PPRC1: variants seen among roughly 807,000 people sequenced by gnomAD.
PPRC1 encodes the protein peroxisome proliferator-activated receptor gamma coactivator-related protein 1.
Under a neutral mutation model 132.5 loss-of-function variants are expected in PPRC1, and 23 were observed. The ratio of observed to expected loss-of-function variants is 0.17; its 90% CI spans 0.12 to 0.25. The LOEUF is 0.25. Among genes scored for constraint, PPRC1 ranks in the 10% least tolerant of loss-of-function variants. PPRC1 has a pLI of 1.00. For missense variants in PPRC1, 2,006 were observed against 2,089.1 expected (o/e 0.96, Z 0.78); for synonymous variants, 872 against 833.5 (o/e 1.05, Z -0.80).
the PPRC1 span, among the ~76,000 whole-genome samples, chr10:102,126,134 T>A: frequency 6.6e-6 from 1 of 152,152 alleles, no homozygotes; most frequent in Non-Finnish European, 1.5e-5. Flanking sequence ...AGTGCTGGGA[T>A]TACAGGCATG....
Position 102,141,005 on chromosome 10 carries a change from C to G in PPRC1, c.2497C>G (p.Pro833Ala), listed in dbSNP as rs373720834. The change falls in exon 5 of 14, where the codon CCA becomes GCA. Residue 833 changes from proline (P) to alanine (A), a missense_variant. Around this residue, in one of 2 missense-constraint regions of PPRC1, gnomAD observed 1,914 missense variants for 1,917.2 expected, o/e 1.00. Coordinates refer to ENST00000278070, the MANE Select transcript of PPRC1 (RefSeq NM_015062.5). Reference sequence around the variant, plus strand: ...CAGCCCTGCTTCTCCTAGTCCTGAGCCACCTGTAAGCAAACCTGTGGCCTC... The same window carrying G: ...CAGCCCTGCTTCTCCTAGTCCTGAGGCACCTGTAAGCAAACCTGTGGCCTC... ...GPSPASPSPE[P>A]PVSKPVASSP... 79 of 1,613,954 alleles carry G rather than the reference C, an allele frequency of 4.9e-5. No individual in the cohort carries two copies. Among genetic ancestry groups the G allele is most frequent in the Admixed American group, 1.7e-4 (10 of 60,002 alleles).
chr10:102,148,925 T>C lies in PPRC1; in HGVS notation c.4726T>C (p.Phe1576Leu). Residue 1576 changes from phenylalanine to leucine, a missense_variant, in exon 12 of 14, where the codon TTC becomes CTC. Phe to Leu is a conservative substitution (Grantham distance 22). Around this residue, in one of 2 missense-constraint regions of PPRC1, gnomAD observed 92 missense variants for 171.9 expected, o/e 0.54. Coordinates refer to ENST00000278070, the MANE Select transcript of PPRC1 (RefSeq NM_015062.5). This position sits in a 1 kb window ranked among gnomAD's most constrained non-coding sequence, Gnocchi z 4.2. ...AGAGATTGAGGAGTGCACCATCCAC[T>C]TCCGTGTCCAAGGGTAAGCTTGGGC... Reference protein sequence around the residue: ...FGEIEECTIHFRVQGDNYGFV... With the variant: ...FGEIEECTIHLRVQGDNYGFV... 1 of 1,614,150 alleles carries C rather than the reference T, an allele frequency of 6.2e-7. No individual in the cohort carries two copies. Among genetic ancestry groups the C allele is most frequent in the Non-Finnish European group, 8.5e-7 (1 of 1,180,014 alleles).
At chr10:102,136,627 A>T (rs1229346228) in intron 1 of PPRC1, among the ~76,000 whole-genome samples, 3 of 152,040 alleles carry the variant, frequency 2.0e-5, no homozygotes, top group Non-Finnish European at 4.4e-5. Context: ...TTAATTTCTT[A>T]TTGTGCTTAA....
chr10:102,127,043 ATATATATATATATATATATATATAT>A, the PPRC1 span, among the ~76,000 whole-genome samples: 644 of 57,686 alleles, frequency 0.011, 24 homozygotes, highest in African/African-American at 0.021. Flanking sequence ...ATATATATAT[ATATATATATATATATATATATATAT>A]AAATTAAAAA....
chr10:102,146,447 A>T (rs2069248894), intron 8 of PPRC1, among the ~76,000 whole-genome samples: 1 of 152,096 alleles, frequency 6.6e-6, no homozygotes, highest in Non-Finnish European at 1.5e-5. Context: ...TAGTGAGAGG[A>T]TGAGGGCTTC....
At position 102,147,256 on chromosome 10, in the gene PPRC1, C is replaced by A. The variant is rs368680880; in HGVS notation, c.4264C>A (p.Arg1422Ser). The A allele has an allele frequency of 1.2e-6, 2 of 1,613,022 alleles. No individual in the cohort carries two copies. The highest frequency in any genetic ancestry group is 1.1e-5 in the South Asian group (1 of 91,092). ...ASPSSQGWQG[R>S]RGRNSRSVSS... ...CCCCTCAAGCCAGGGCTGGCAGGGC[C>A]GCCGAGGCCGCAACAGCCGTTCTGT... The change falls in exon 9 of 14, where the codon CGC becomes AGC. Residue 1422 changes from arginine (R) to serine (S), a missense_variant. Physicochemically the swap from Arg to Ser is moderately radical, Grantham distance 110. Coordinates refer to ENST00000278070, the MANE Select transcript of PPRC1 (RefSeq NM_015062.5).
At chr10:102,132,396 G>A (rs1448356389), upstream of PPRC1, among the ~76,000 whole-genome samples, 5 of 152,214 alleles carry the variant, frequency 3.3e-5, no homozygotes, top group Admixed American at 3.3e-4. Context: ...AATAAGGCAT[G>A]AAATGTTTTG....
chr10:102,133,195 T>C lies in PPRC1; in HGVS notation c.127T>C (p.Leu43=), dbSNP rs1269769406. Residue 43 remains leucine (L), a synonymous_variant, in exon 1 of 14, where the codon TTG becomes CTG. Coordinates refer to ENST00000278070, the MANE Select transcript of PPRC1 (RefSeq NM_015062.5). ...TCGAAGCCAAGCGCCGTATGGGACT[T>C]TGGGCGCTGTGAGCGGCGGCGAGCA... ...GSRSQAPYGT[L]GAVSGGEQVL... 4 of 1,281,026 alleles carry C rather than the reference T, an allele frequency of 3.1e-6. No individual in the cohort carries two copies. Among genetic ancestry groups the C allele is most frequent in the Non-Finnish European group, 4.0e-6 (4 of 1,007,178 alleles). 79.4% of individuals were successfully genotyped at this position (1,281,026 alleles called of 1,614,324 possible).
In PPRC1 at chr10:102,138,011, C is replaced by T. The variant is rs988729685; in HGVS notation, c.315C>T (p.Leu105=). Residue 105 remains leucine, a synonymous_variant, in exon 2 of 14, where the codon CTC becomes CTT. Transcript: ENST00000278070. ...QSYMDASLIS[L]IEDFGSLGES... ...ACATGGATGCCTCCCTTATCTCCCT[C>T]ATTGAGGATTTTGGGAGCCTTGGAG... The T allele has an allele frequency of 1.2e-6, 2 of 1,613,828 alleles. No individual in the cohort carries two copies. The highest frequency in any genetic ancestry group is 1.7e-6 in the Non-Finnish European group (2 of 1,179,952).
the PPRC1 span, among the ~76,000 whole-genome samples, chr10:102,127,019 T>TTTTATATATATATATA: frequency 1.0e-4 from 8 of 78,886 alleles, no homozygotes; most frequent in African/African-American, 1.9e-4. Flanking sequence ...TGGTTTTTTA[T>TTTTATATATATATATA]CATATATATA....
chr10:102,124,128 C>T, the PPRC1 span, among the ~76,000 whole-genome samples: 2 of 151,578 alleles, frequency 1.3e-5, no homozygotes, highest in Non-Finnish European at 2.9e-5. Context: ...TGCAGTGGCA[C>T]GATCTCAGTT....
At chr10:102,132,940 GTC>G, upstream of PPRC1, 1 of 1,209,256 alleles carries the variant, frequency 8.3e-7, no homozygotes, top group Non-Finnish European at 1.0e-6. Flanking sequence ...GTGCAAGTGG[GTC>G]TCGCCGCACG....
chr10:102,144,709 CT>C (rs975430583), intron 7 of PPRC1: 2 of 481,238 alleles, frequency 4.2e-6, no homozygotes, highest in Non-Finnish European at 7.4e-6. Context: ...CCATCCTGTT[CT>C]GCCAAGCATG....
rs2068790784 is a variant in PPRC1 at position 102,138,045 on chromosome 10, TG to T, written c.342+11del. On this transcript the variant is annotated splice_region_variant and intron_variant, in intron 2 of 13. Coordinates refer to ENST00000278070, the MANE Select transcript of PPRC1 (RefSeq NM_015062.5). Reference sequence around the variant, plus strand: ...TTTTGGGAGCCTTGGAGAGGTGAGCTGGGGCTGGACTCTGAAATCTTCAAGC... The same window carrying T: ...TTTTGGGAGCCTTGGAGAGGTGAGCTGGGCTGGACTCTGAAATCTTCAAGC... 3 of 1,612,304 alleles carry T rather than the reference TG, an allele frequency of 1.9e-6. No homozygotes were observed. The African/African-American group carries it at 4.0e-5, about 22-fold the overall frequency.
the PPRC1 span, chr10:102,120,032 G>C: frequency 1.5e-6 from 2 of 1,353,916 alleles, no homozygotes; most frequent in South Asian, 2.8e-5. Flanking sequence ...GGGGTGAGGG[G>C]TCCGCAGGGA....
chr10:102,144,350 C>T (rs1258876290), intron 7 of PPRC1, 43 bp downstream of exon 7: 1 of 1,583,048 alleles, frequency 6.3e-7, no homozygotes, highest in Non-Finnish European at 8.6e-7. Flanking sequence ...AGCTGTTAGT[C>T]AGCAGCCGGC....
the PPRC1 span, among the ~76,000 whole-genome samples, chr10:102,126,404 G>A: frequency 2.6e-5 from 4 of 150,954 alleles, no homozygotes; most frequent in African/African-American, 4.9e-5. Context: ...TCTTATGGAC[G>A]GCCAAACCTC....
chr10:102,120,125 C>A, the PPRC1 span: 1 of 1,341,008 alleles, frequency 7.5e-7, no homozygotes, highest in Admixed American at 3.0e-5. Flanking sequence ...ACATCGCCCG[C>A]CTCTGGGGGC....
At chr10:102,146,433 T>G (rs1452208313) in intron 8 of PPRC1, among the ~76,000 whole-genome samples, 1 of 152,004 alleles carries the variant, frequency 6.6e-6, no homozygotes, top group Non-Finnish European at 1.5e-5. Flanking sequence ...CTACTAGGTT[T>G]GGGTAGTGAG....
Sources: gnomAD v4.1 joint callset for allele counts (sites outside exome capture counted in the v4.1 genomes callset) on GRCh38, gnomAD v4.1.1 for gene constraint, gnomAD v4.1.1 regional missense constraint, Gnocchi (gnomAD v3.1) non-coding constraint, MANE v1.5 for transcripts, NCBI Gene and HGNC (gene_info 2026-07-23, HGNC 2026-07-21) for gene names.